ARHGAP39: variants seen among roughly 807,000 people sequenced by gnomAD.
ARHGAP39 encodes Rho GTPase activating protein 39, also known as rho GTPase-activating protein 39.
Under a neutral mutation model 106.9 loss-of-function variants are expected in ARHGAP39, and 44 were observed. That is an observed-to-expected ratio of 0.41 (90% CI 0.32 to 0.53). ARHGAP39 has a LOEUF of 0.53. ARHGAP39 is among the 20% of genes least tolerant of loss of function. The pLI is 0.21. For missense variants in ARHGAP39, 1,496 were observed against 1,577.3 expected, an observed-to-expected ratio of 0.95 and a Z score of 0.87; for synonymous variants, 768 against 693.2, an observed-to-expected ratio of 1.11 and a Z score of -1.69.
At position 144,641,731 on chromosome 8, in the gene ARHGAP39, A is replaced by G. The variant is rs556809607; in HGVS notation, c.-81-36036T>C. ...GAAACGCAGACCCAGGATGCACCCA[A>G]GCTCCTGCCACAGTCTGAGCTGGCC... On this transcript the variant is annotated intron_variant, in intron 1 of 11. Coordinates refer to ENST00000377307, the MANE Select transcript of ARHGAP39 (RefSeq NM_025251.3). This position sits in a 1 kb window ranked among gnomAD's most constrained non-coding sequence, Gnocchi z 5.2. Among the ~76,000 whole-genome samples, 3 of 152,338 alleles carry G rather than the reference A, an allele frequency of 2.0e-5. No homozygotes were observed. In the East Asian group the frequency reaches 5.8e-4, roughly 29 times the overall value.
the ARHGAP39 span, among the ~76,000 whole-genome samples, chr8:144,691,217 G>A: frequency 6.6e-6 from 1 of 152,158 alleles, no homozygotes; most frequent in Non-Finnish European, 1.5e-5. Context: ...GCTGGCTCAG[G>A]AAGCCCCACA....
At chr8:144,619,859 C>T (rs539138597) in intron 1 of ARHGAP39, among the ~76,000 whole-genome samples, 38 of 123,380 alleles carry the variant, frequency 3.1e-4, no homozygotes, top group East Asian at 1.4e-3. Flanking sequence ...CTTGTGTGTC[C>T]GAGAGAGCGT....
chr8:144,613,194 C>G (rs1026790076), intron 1 of ARHGAP39, among the ~76,000 whole-genome samples: 2 of 152,136 alleles, frequency 1.3e-5, no homozygotes, highest in Non-Finnish European at 2.9e-5. Flanking sequence ...TATTTTATTT[C>G]TGTATATGTT....
chr8:144,540,302 A>G (rs771054005), intron 6 of ARHGAP39, among the ~76,000 whole-genome samples: 2 of 152,184 alleles, frequency 1.3e-5, no homozygotes, highest in Non-Finnish European at 2.9e-5. Flanking sequence ...ATGTTGAGGC[A>G]GGGGGATCAT....
rs1817886818 is a variant in ARHGAP39 at position 144,555,612 on chromosome 8, C to T, written c.544G>A (p.Asp182Asn). The T allele has an allele frequency of 6.2e-7, 1 of 1,613,966 alleles. No individual in the cohort carries two copies. The highest frequency in any genetic ancestry group is 1.3e-5 in the African/African-American group (1 of 75,056). ...SSPPGVFLEK[D>N]YEIYRDYSAD... ...CTGTAATCCCGGTAAATCTCATAGT[C>T]CTTCTCAAGGAACACTCCTGGTGGT... Residue 182 changes from aspartate to asparagine, a missense_variant, in exon 4 of 12, where the codon GAC (aspartate) becomes AAC (asparagine). By Grantham distance (23) the Asp-to-Asn change is conservative (BLOSUM62 1). Coordinates refer to ENST00000377307, the MANE Select transcript of ARHGAP39 (RefSeq NM_025251.3).
At chr8:144,563,975 A>AT (rs1818301827) in intron 3 of ARHGAP39, among the ~76,000 whole-genome samples, 1 of 152,240 alleles carries the variant, frequency 6.6e-6, no homozygotes, top group South Asian at 2.1e-4. Context: ...TGTCTGAATC[A>AT]TAAGTAATGT....
intron 6 of ARHGAP39, among the ~76,000 whole-genome samples, chr8:144,540,374 C>T (rs1423493865): frequency 6.6e-6 from 1 of 152,040 alleles, no homozygotes; most frequent in East Asian, 1.9e-4. Flanking sequence ...CCACCCTGGG[C>T]CACAGAGTCT....
At position 144,671,745 on chromosome 8, in the gene ARHGAP39, C is replaced by G. The variant is rs754184562; in HGVS notation, c.-82+13941G>C. 6.6e-6 allele frequency among the ~76,000 whole-genome samples: 1 copy of G among 152,256 alleles called. No homozygotes were observed. Among genetic ancestry groups the G allele is most frequent in the African/African-American group, 2.4e-5 (1 of 41,466 alleles). On this transcript the variant is annotated intron_variant, in intron 1 of 11. Transcript: ENST00000377307. The surrounding 1 kb of genome is among the most constrained non-coding windows in gnomAD (Gnocchi z 4.5). ...GGTTCTCCCTACGACCCCAGGCACA[C>G]GGCCACCTCTGCTGTCCACAGGATG...
intron 3 of ARHGAP39, among the ~76,000 whole-genome samples, chr8:144,575,674 A>AT (rs200519546): frequency 1.8e-4 from 27 of 149,206 alleles, no homozygotes; most frequent in Admixed American, 4.0e-4. Flanking sequence ...TCCAGCTAAC[A>AT]TTTTTTTTTT....
At chr8:144,601,285 GGCAT>G (rs901798068) in intron 2 of ARHGAP39, among the ~76,000 whole-genome samples, 5 of 138,620 alleles carry the variant, frequency 3.6e-5, no homozygotes, top group Admixed American at 7.4e-5. Flanking sequence ...TGTGCATGGA[GGCAT>G]GCGTGCGTGC....
chr8:144,600,070 T>G (rs545229136), intron 2 of ARHGAP39, among the ~76,000 whole-genome samples: 1 of 152,140 alleles, frequency 6.6e-6, no homozygotes, highest in East Asian at 1.9e-4. Flanking sequence ...CATGTACCTG[T>G]GTGCGTGTGC....
At chr8:144,568,192 G>T (rs753387913) in intron 3 of ARHGAP39, among the ~76,000 whole-genome samples, 2 of 151,480 alleles carry the variant, frequency 1.3e-5, no homozygotes, top group Non-Finnish European at 2.9e-5. Context: ...AAATTAGCTG[G>T]GTGTGGTGGC....
chr8:144,619,280 T>C (rs1009671908), intron 1 of ARHGAP39, among the ~76,000 whole-genome samples: 5 of 152,238 alleles, frequency 3.3e-5, no homozygotes, highest in Admixed American at 1.3e-4. Context: ...ACGCCCGCCA[T>C]AGACCAGGGT....
At chr8:144,557,146 G>A (rs917741906) in intron 3 of ARHGAP39, among the ~76,000 whole-genome samples, 2 of 147,002 alleles carry the variant, frequency 1.4e-5, no homozygotes, top group East Asian at 3.9e-4. Flanking sequence ...ATAGTATTCA[G>A]AGGCAAAAGG....
intron 1 of ARHGAP39, among the ~76,000 whole-genome samples, chr8:144,665,956 T>C (rs1210823092): frequency 6.6e-6 from 1 of 152,176 alleles, no homozygotes; most frequent in African/African-American, 2.4e-5. Context: ...CTGGAAAAGC[T>C]GCAGACACTA....
chr8:144,697,509 T>TTTTTTC, the ARHGAP39 span, among the ~76,000 whole-genome samples: 50 of 152,156 alleles, frequency 3.3e-4, no homozygotes, highest in African/African-American at 1.1e-3. Context: ...TGGAATGCTG[T>TTTTTTC]TTTTTCTTTT....
chr8:144,640,145 A>C (rs944373821), intron 1 of ARHGAP39, among the ~76,000 whole-genome samples: 4 of 152,182 alleles, frequency 2.6e-5, no homozygotes, highest in African/African-American at 9.7e-5. Context: ...CCATGACACC[A>C]GGGATTGGCT....
intron 7 of ARHGAP39, among the ~76,000 whole-genome samples, chr8:144,537,118 C>G (rs952572127): frequency 2.6e-5 from 4 of 151,888 alleles, no homozygotes; most frequent in Non-Finnish European, 4.4e-5. Context: ...CCTGGGTTCA[C>G]AGGGCTTTCC....
rs116480921 is a variant in ARHGAP39, at chr8:144,529,234, G to T, written c.*1188C>A. The T allele has an allele frequency of 0.043, 10,809 of 252,584 alleles. 1,157 individuals carry two copies. Among genetic ancestry groups the T allele is most frequent in the African/African-American group, 0.22 (9,858 of 44,222 alleles). 15.6% of individuals were successfully genotyped at this position (252,584 alleles called of 1,614,324 possible). A position where few individuals can be genotyped will look rare whatever the true frequency, so the allele number is the denominator to read the frequency against. On this transcript the variant is annotated 3_prime_UTR_variant, in exon 12 of 12. Coordinates refer to ENST00000377307, the MANE Select transcript of ARHGAP39 (RefSeq NM_025251.3). ...TCGTCGCCTCTCGGGTCCATGCGTC[G>T]GGGCGAGCGTCTCAGCCGGGCGGGA... is the stretch of plus-strand genomic sequence containing the variant.
Sources: gnomAD v4.1 joint callset for allele counts (sites outside exome capture counted in the v4.1 genomes callset) on GRCh38, gnomAD v4.1.1 for gene constraint, Gnocchi (gnomAD v3.1) non-coding constraint, MANE v1.5 for transcripts, NCBI Gene and HGNC (gene_info 2026-07-23, HGNC 2026-07-21) for gene names.